Variants in RBPJ observed in about 807,000 individuals in gnomAD.
RBPJ encodes the protein recombining binding protein suppressor of hairless.
In RBPJ, 9 loss-of-function variants were observed where a neutral mutation model predicts 67.8. The ratio of observed to expected loss-of-function variants is 0.13; its 90% CI spans 0.08 to 0.23. The LOEUF is 0.23. Among genes scored for constraint, RBPJ ranks in the 10% least tolerant of loss-of-function variants. RBPJ has a pLI of 1.00. For synonymous variants in RBPJ, 198 were observed against 203.3 expected, an observed-to-expected ratio of 0.97 and a Z score of 0.22; for missense variants, 305 against 595.6, an observed-to-expected ratio of 0.51 and a Z score of 5.08.
rs1560237749 is a variant in RBPJ at position 26,270,385 on chromosome 4, G to GAAAGAAAGAAAGAAAGAA, written c.-166-92059_-166-92042dup. Among the ~76,000 whole-genome samples the GAAAGAAAGAAAGAAAGAA allele has an allele frequency of 3.2e-4, 17 of 53,720 alleles. 1 individual carries two copies. The highest frequency in any genetic ancestry group is 5.0e-4 in the Non-Finnish European group (12 of 23,948). 35.2% of individuals were successfully genotyped at this position (53,720 alleles called of 152,430 possible). A position where few individuals can be genotyped will look rare whatever the true frequency, so the allele number is the denominator to read the frequency against. Reference sequence around the variant, plus strand: ...AGAAAGAAAGAAAGAAAGAAAGAAAGAAAGAAAGAAAGAAAGAAAGAAAGA... The same window carrying GAAAGAAAGAAAGAAAGAA: ...AGAAAGAAAGAAAGAAAGAAAGAAAGAAAGAAAGAAAGAAAGAAAAAGAAAGAAAGAAAGAAAGAAAGA... On this transcript the variant is annotated intron_variant, in intron 1 of 4. Coordinates refer to the RBPJ transcript ENST00000512351.
chr4:26,112,729 A>C, the RBPJ span: 1 of 149,314 alleles, frequency 6.7e-6, no homozygotes, highest in African/African-American at 2.5e-5. Context: ...TGGACATCAG[A>C]TCAGATAATT....
the RBPJ span, among the ~76,000 whole-genome samples, chr4:26,125,024 G>C: frequency 6.6e-6 from 1 of 152,148 alleles, no homozygotes; most frequent in South Asian, 2.1e-4. Context: ...TGAGATGACT[G>C]ACTACCATGT....
chr4:26,319,782 C>T, upstream of RBPJ: 2 of 1,255,984 alleles, frequency 1.6e-6, no homozygotes, highest in Non-Finnish European at 2.3e-6. Flanking sequence ...TTTCGGGCGG[C>T]GAATTCCAGT....
the RBPJ span, among the ~76,000 whole-genome samples, chr4:26,110,019 A>G: frequency 1.3e-5 from 2 of 152,086 alleles, no homozygotes; most frequent in East Asian, 3.9e-4. This position sits in a 1 kb window ranked among gnomAD's most constrained non-coding sequence, Gnocchi z 4.5. Context: ...CATCATGTTC[A>G]AACATTAAGG....
At chr4:26,188,388 T>C (rs902355377) in intron 1 of RBPJ, among the ~76,000 whole-genome samples, 3 of 152,220 alleles carry the variant, frequency 2.0e-5, no homozygotes, top group Admixed American at 6.5e-5. Flanking sequence ...TAATTAGAAA[T>C]CATTCAACTT....
intron 1 of RBPJ, among the ~76,000 whole-genome samples, chr4:26,290,876 A>C (rs906317503): frequency 6.6e-6 from 1 of 151,038 alleles, no homozygotes; most frequent in Non-Finnish European, 1.5e-5. Context: ...AATGAAATAC[A>C]TAAAGATTAA....
intron 1 of RBPJ, among the ~76,000 whole-genome samples, chr4:26,361,775 A>T (rs999875441): frequency 1.3e-5 from 2 of 152,176 alleles, no homozygotes; most frequent in African/African-American, 4.8e-5. Context: ...AAAATGTGAT[A>T]CATACACTTC....
the RBPJ span, among the ~76,000 whole-genome samples, chr4:26,110,460 T>C: frequency 6.6e-6 from 1 of 152,184 alleles, no homozygotes; most frequent in African/African-American, 2.4e-5. This position sits in a 1 kb window ranked among gnomAD's most constrained non-coding sequence, Gnocchi z 4.5. Context: ...TAGATTCCTG[T>C]CCTTCAGCTG....
chr4:26,319,305 T>C (rs1722788185), upstream of RBPJ, among the ~76,000 whole-genome samples: 1 of 152,142 alleles, frequency 6.6e-6, no homozygotes, highest in South Asian at 2.1e-4. Flanking sequence ...CCTCCTGGCT[T>C]CCCCTTCCTC....
intron 1 of RBPJ, among the ~76,000 whole-genome samples, chr4:26,339,698 G>C (rs1476813139): frequency 6.6e-6 from 1 of 151,562 alleles, no homozygotes; most frequent in East Asian, 2.0e-4. Context: ...CTCCAAATCA[G>C]TGAGAAAAAG....
chr4:26,212,627 A>C (rs1240138932), intron 1 of RBPJ, among the ~76,000 whole-genome samples: 1 of 151,770 alleles, frequency 6.6e-6, no homozygotes, highest in Admixed American at 6.6e-5. Flanking sequence ...GGAGCTGGCT[A>C]TAAAGAAATT....
intron 1 of RBPJ, among the ~76,000 whole-genome samples, chr4:26,349,148 G>A (rs1438802289): frequency 1.3e-5 from 2 of 151,996 alleles, no homozygotes; most frequent in African/African-American, 4.8e-5. Flanking sequence ...GCTCACTGCA[G>A]CCTTGACCCC....
intron 2 of RBPJ, among the ~76,000 whole-genome samples, chr4:26,391,681 A>T (rs895110764): frequency 6.6e-6 from 1 of 152,180 alleles, no homozygotes; most frequent in African/African-American, 2.4e-5. Flanking sequence ...GATGAAAAGG[A>T]CTCTGAAAAG....
chr4:26,231,827 G>A (rs570757424), intron 1 of RBPJ, among the ~76,000 whole-genome samples: 11 of 151,892 alleles, frequency 7.2e-5, no homozygotes, highest in African/African-American at 2.7e-4. Flanking sequence ...GGGATTATAA[G>A]CGTGAGCCAC....
intron 3 of RBPJ, among the ~76,000 whole-genome samples, chr4:26,407,048 C>T (rs1292423100): frequency 6.6e-6 from 1 of 152,232 alleles, no homozygotes; most frequent in Admixed American, 6.5e-5. Flanking sequence ...TAATAAATCC[C>T]TGATCTTACA....
At chr4:26,252,404 T>G (rs949840944) in intron 1 of RBPJ, among the ~76,000 whole-genome samples, 7 of 152,078 alleles carry the variant, frequency 4.6e-5, no homozygotes, top group African/African-American at 1.4e-4. Flanking sequence ...GAGACCAGTT[T>G]GGGCAACATG....
chr4:26,415,323 T>G, intron 3 of RBPJ, 152 bp from the exon 4 acceptor site: 1 of 623,864 alleles, frequency 1.6e-6, no homozygotes, highest in Non-Finnish European at 2.8e-6. Flanking sequence ...CATGATTATT[T>G]GCATTACAAA....
intron 1 of RBPJ, among the ~76,000 whole-genome samples, chr4:26,270,417 GAAAGAAAGAAAGAAAGAAA>G (rs1720866130): frequency 3.7e-5 from 2 of 54,560 alleles, no homozygotes; most frequent in Non-Finnish European, 4.9e-5. Flanking sequence ...AAGAAAGAAA[GAAAGAAAGAAAGAAAGAAA>G]GAAGAAAGAA....
rs1265249594 is a variant in RBPJ, at chr4:26,299,335, TTTTTAA to T, written c.-166-63109_-166-63104del. ...AAGATTCACCCAAATTTCATGCTTA[TTTTTAA>T]TATCAGTATTAACACATCATGTAGA... is the stretch of plus-strand genomic sequence containing the variant. On this transcript the variant is annotated intron_variant, in intron 1 of 4. Transcript: ENST00000512351. 3.3e-5 allele frequency among the ~76,000 whole-genome samples: 5 copies of T among 152,332 alleles called. No homozygotes were observed. The South Asian group carries it at 6.2e-4, about 19-fold the overall frequency.
Sources: gnomAD v4.1 joint callset for allele counts (sites outside exome capture counted in the v4.1 genomes callset) on GRCh38, gnomAD v4.1.1 for gene constraint, Gnocchi (gnomAD v3.1) non-coding constraint, MANE v1.5 for transcripts, NCBI Gene and HGNC (gene_info 2026-07-23, HGNC 2026-07-21) for gene names.